CACNA1C: variants seen among roughly 807,000 people sequenced by gnomAD.
CACNA1C encodes the protein voltage-dependent L-type calcium channel subunit alpha-1C.
In CACNA1C, 30 loss-of-function variants were observed where a neutral mutation model predicts 229.0. The observed-to-expected ratio is 0.13, with a 90% confidence interval of 0.10 to 0.18. CACNA1C has a LOEUF of 0.18. Ranked by LOEUF, CACNA1C falls within the 10% of genes least tolerant of loss-of-function variation. The probability of loss-of-function intolerance (pLI) is 1.00; values close to 1 mark genes in which losing one functional copy is unlikely to be tolerated. For synonymous variants in CACNA1C, 1,114 were observed against 1,132.5 expected, an observed-to-expected ratio of 0.98 and a Z score of 0.33; for missense variants, 1,658 against 2,845.0, an observed-to-expected ratio of 0.58 and a Z score of 9.49.
chr12:2,539,199 G>T (rs2099863194), intron 9 of CACNA1C, among the ~76,000 whole-genome samples: 1 of 152,124 alleles, frequency 6.6e-6, no homozygotes, highest in Non-Finnish European at 1.5e-5. Context: ...CTTAAACTAG[G>T]TGACTTGAGG....
intron 3 of CACNA1C, among the ~76,000 whole-genome samples, chr12:2,190,152 A>G (rs1475365221): frequency 1.3e-5 from 2 of 152,262 alleles, no homozygotes; most frequent in Non-Finnish European, 2.9e-5. Flanking sequence ...ATGCGTTACC[A>G]GGAAATGACA....
chr12:2,596,273 G>T, intron 20 of CACNA1C: 1 of 343,046 alleles, frequency 2.9e-6, no homozygotes, highest in East Asian at 5.0e-5. Flanking sequence ...TCCCCAGGAA[G>T]CTCTAGTTCC....
chr12:2,391,556 G>A (rs2098479582), intron 3 of CACNA1C, among the ~76,000 whole-genome samples: 1 of 152,056 alleles, frequency 6.6e-6, no homozygotes. Flanking sequence ...TGGATGAGCA[G>A]TTTTCTTGAA....
Position 2,372,478 on chromosome 12 carries a change from G to A in CACNA1C, c.478-76498G>A, listed in dbSNP as rs1184948907. ...TGACACAGGCAGATCTCCAGCAGGG[G>A]CTTCTTTGATCTCCAGTTAATCCAG... On this transcript the variant is annotated intron_variant, in intron 3 of 46. Coordinates refer to ENST00000399655, the MANE Select transcript of CACNA1C (RefSeq NM_000719.7). Among the ~76,000 whole-genome samples, 3 of 152,128 alleles carry A rather than the reference G, an allele frequency of 2.0e-5. No individual in the cohort carries two copies. The East Asian group carries it at 5.8e-4, about 29-fold the overall frequency.
At chr12:2,680,884 T>C (rs2097112607) in intron 42 of CACNA1C, among the ~76,000 whole-genome samples, 1 of 152,234 alleles carries the variant, frequency 6.6e-6, no homozygotes, top group Non-Finnish European at 1.5e-5. Flanking sequence ...CACTGCTGCC[T>C]TCTGTGTGCA....
chr12:2,198,308 T>TC (rs541796324), intron 3 of CACNA1C, among the ~76,000 whole-genome samples: 2 of 151,882 alleles, frequency 1.3e-5, no homozygotes, highest in Non-Finnish European at 2.9e-5. Context: ...CGCCTCTGCC[T>TC]CCCCCCGGAG....
intron 3 of CACNA1C, among the ~76,000 whole-genome samples, chr12:2,418,921 A>G (rs1421127852): frequency 6.6e-6 from 1 of 152,296 alleles, no homozygotes; most frequent in Admixed American, 6.5e-5. Flanking sequence ...AGAGCCCCTT[A>G]TGGTCTGTTG....
At chr12:2,618,539 C>G (rs2081793339) in intron 29 of CACNA1C, among the ~76,000 whole-genome samples, 1 of 152,260 alleles carries the variant, frequency 6.6e-6, no homozygotes, top group South Asian at 2.1e-4. Context: ...CTGGGGCAGC[C>G]AGGGCTGAGG....
At position 2,632,651 on chromosome 12, in the gene CACNA1C, C is replaced by T. The variant is rs2091028736; in HGVS notation, c.3829-1646C>T. Among the ~76,000 whole-genome samples, 1 of 152,196 alleles carries T rather than the reference C, an allele frequency of 6.6e-6. No homozygotes were observed. The highest frequency in any genetic ancestry group is 6.5e-5 in the Admixed American group (1 of 15,286). ...TTCCCCTTCTGTGCCAGAATCTCTC[C>T]TTCAGGGCACCACTGTCTTCATCCC... On this transcript the variant is annotated intron_variant, in intron 29 of 46. Transcript: ENST00000399655. This position sits in a 1 kb window ranked among gnomAD's most constrained non-coding sequence, Gnocchi z 4.1.
At chr12:2,250,810 T>C (rs556561627) in intron 3 of CACNA1C, among the ~76,000 whole-genome samples, 4 of 152,312 alleles carry the variant, frequency 2.6e-5, no homozygotes, top group African/African-American at 9.6e-5. Context: ...TTTGTTCTGC[T>C]CTCAGTGGAG....
At chr12:2,487,909 T>C (rs2099703466) in intron 6 of CACNA1C, among the ~76,000 whole-genome samples, 1 of 152,074 alleles carries the variant, frequency 6.6e-6, no homozygotes, top group South Asian at 2.1e-4. Context: ...ATTTTAAGAC[T>C]CCTTAAAAAC....
chr12:2,008,106 C>T (rs563602459), intron 1 of CACNA1C, among the ~76,000 whole-genome samples: 10 of 151,820 alleles, frequency 6.6e-5, no homozygotes, highest in South Asian at 2.1e-4. Flanking sequence ...TAAAGTTTTA[C>T]TTATTTATTT....
At chr12:2,147,181 A>G (rs1353622651) in intron 3 of CACNA1C, among the ~76,000 whole-genome samples, 1 of 151,316 alleles carries the variant, frequency 6.6e-6, no homozygotes, top group East Asian at 1.9e-4. Flanking sequence ...AACCTCCAAA[A>G]TGTTGTGAGT....
At chr12:2,139,183 C>A (rs1297823257) in intron 3 of CACNA1C, among the ~76,000 whole-genome samples, 1 of 150,972 alleles carries the variant, frequency 6.6e-6, no homozygotes, top group East Asian at 1.9e-4. Flanking sequence ...CCTGCCCTGG[C>A]TCCAGTGTTG....
At chr12:2,456,144 T>C (rs2099416841) in intron 4 of CACNA1C, among the ~76,000 whole-genome samples, 1 of 152,216 alleles carries the variant, frequency 6.6e-6, no homozygotes, top group African/African-American at 2.4e-5. Flanking sequence ...CTGTTGCTCA[T>C]GCCCAAACTG....
chr12:2,088,887 G>A (rs1256173505), intron 1 of CACNA1C, among the ~76,000 whole-genome samples: 3 of 152,156 alleles, frequency 2.0e-5, no homozygotes, highest in Non-Finnish European at 2.9e-5. Flanking sequence ...AATATCAGAG[G>A]ACTCCACTGC....
chr12:2,398,846 A>T (rs934739685), intron 3 of CACNA1C, among the ~76,000 whole-genome samples: 8 of 152,204 alleles, frequency 5.3e-5, no homozygotes, highest in Non-Finnish European at 1.5e-5. Context: ...GGACCTCAGG[A>T]CAGGAAGAAA....
Position 2,581,626 on chromosome 12 carries a change from G to A in CACNA1C, c.1932G>A (p.Leu644=). The A allele has an allele frequency of 6.3e-7, 1 of 1,581,662 alleles. No homozygotes were observed. Among genetic ancestry groups the A allele is most frequent in the Non-Finnish European group, 8.6e-7 (1 of 1,163,002 alleles). ...CCTTGAGCAACCTGGTGGCATCCTT[G>A]CTGAACTCTGTGCGCTCCATCGCCT... ...WNSLSNLVAS[L]LNSVRSIASL... The change falls in exon 14 of 47, where the codon TTG becomes TTA. Residue 644 remains leucine (L), a synonymous_variant. Transcript: ENST00000399655.
chr12:2,404,627 G>C (rs1311234429), intron 3 of CACNA1C, among the ~76,000 whole-genome samples: 1 of 152,124 alleles, frequency 6.6e-6, no homozygotes, highest in Non-Finnish European at 1.5e-5. Context: ...GCAGAAAGCG[G>C]CCAGCTCCCA....
Sources: allele counts gnomAD v4.1 joint callset (sites outside exome capture counted in the v4.1 genomes callset), GRCh38; gene constraint gnomAD v4.1.1; non-coding constraint Gnocchi (gnomAD v3.1); transcripts MANE v1.5; gene names NCBI Gene and HGNC (gene_info 2026-07-23, HGNC 2026-07-21).